Variants in SPOCK3 observed in about 807,000 individuals in gnomAD.
SPOCK3 encodes the protein SPARC (osteonectin), cwcv and kazal like domains proteoglycan 3, also known as testican-3.
SPOCK3 carries 30 observed loss-of-function variants against 56.6 expected under a neutral mutation model. The ratio of observed to expected loss-of-function variants is 0.53; its 90% CI spans 0.40 to 0.72. SPOCK3 has a LOEUF of 0.72. Ranked by LOEUF, SPOCK3 falls within the 30% of genes least tolerant of loss-of-function variation. SPOCK3 has a pLI of 0.00. For missense variants in SPOCK3, 527 were observed against 530.0 expected (o/e 0.99, Z 0.06); for synonymous variants, 196 against 183.3 (o/e 1.07, Z -0.56).
At chr4:166,934,247 T>C (rs1347789026) in intron 4 of SPOCK3, among the ~76,000 whole-genome samples, 1 of 151,576 alleles carries the variant, frequency 6.6e-6, no homozygotes, top group Non-Finnish European at 1.5e-5. Flanking sequence ...TCCCAGCACT[T>C]TGGGAGGCCG....
intron 2 of SPOCK3, among the ~76,000 whole-genome samples, chr4:167,088,190 G>T (rs1468473465): frequency 6.6e-6 from 1 of 152,092 alleles, no homozygotes; most frequent in African/African-American, 2.4e-5. Context: ...TGGATTTCTG[G>T]TTACATAGAA....
chr4:167,185,463 T>C (rs1392850404), intron 2 of SPOCK3, among the ~76,000 whole-genome samples: 1 of 152,146 alleles, frequency 6.6e-6, no homozygotes, highest in East Asian at 1.9e-4. Context: ...ATCTTAACTT[T>C]TTTTTCTCAT....
chr4:166,965,784 C>T (rs962645244), intron 4 of SPOCK3, among the ~76,000 whole-genome samples: 1 of 152,054 alleles, frequency 6.6e-6, no homozygotes, highest in African/African-American at 2.4e-5. Context: ...CTCAACACCC[C>T]TATTATCGAC....
intron 5 of SPOCK3, among the ~76,000 whole-genome samples, chr4:166,898,672 G>A (rs781149189): frequency 4.6e-5 from 7 of 152,028 alleles, no homozygotes; most frequent in Non-Finnish European, 2.9e-5. Flanking sequence ...TTTTTATCTG[G>A]TAAATGGTAG....
chr4:166,895,595 A>C (rs1313844957), intron 5 of SPOCK3, among the ~76,000 whole-genome samples: 1 of 152,204 alleles, frequency 6.6e-6, no homozygotes, highest in Non-Finnish European at 1.5e-5. Context: ...CATACATTTC[A>C]ATGTCTATGT....
At chr4:167,156,468 G>A (rs1388388960) in intron 2 of SPOCK3, among the ~76,000 whole-genome samples, 1 of 152,156 alleles carries the variant, frequency 6.6e-6, no homozygotes, top group Non-Finnish European at 1.5e-5. Flanking sequence ...AATGATTCGA[G>A]CATGAGTGTT....
intron 8 of SPOCK3, among the ~76,000 whole-genome samples, chr4:166,753,485 T>C (rs561729301): frequency 6.6e-6 from 1 of 152,012 alleles, no homozygotes; most frequent in African/African-American, 2.4e-5. Flanking sequence ...GTTACTGTAC[T>C]CAACTAAAGC....
rs547266461 is a variant in SPOCK3 at position 166,798,597 on chromosome 4, T to C, written c.590-6308A>G. Reference sequence around the variant, plus strand: ...AAGAAAAATTCAAGAATGGCCTATATCAGATACGGAGAAACTTCTTATGAT... The same window carrying C: ...AAGAAAAATTCAAGAATGGCCTATACCAGATACGGAGAAACTTCTTATGAT... On this transcript the variant is annotated intron_variant, in intron 6 of 10. Transcript: ENST00000357545. Among the ~76,000 whole-genome samples, 5 of 152,232 alleles carry C rather than the reference T, an allele frequency of 3.3e-5. No individual in the cohort carries two copies. The South Asian group carries it at 1.0e-3, about 32-fold the overall frequency.
In SPOCK3 at chr4:167,062,506, T is replaced by C. The variant is rs769690462; in HGVS notation, c.221A>G (p.Lys74Arg). The C allele has an allele frequency of 3.1e-6, 5 of 1,606,208 alleles. No individual in the cohort carries two copies. In the African/African-American group the frequency reaches 6.7e-5, roughly 21 times the overall value. Reference sequence around the variant, plus strand: ...TAGATTCTTACCCTGATCGAAGGGTTTTCCTGGACTCCAAGTGCGGAAATA... The same window carrying C: ...TAGATTCTTACCCTGATCGAAGGGTCTTCCTGGACTCCAAGTGCGGAAATA... ...DDYFRTWSPG[K>R]PFDQALDPAK... Residue 74 changes from lysine (K) to arginine (R), a missense_variant, in exon 3 of 11, where the codon AAA becomes AGA. Coordinates refer to ENST00000357545, the MANE Select transcript of SPOCK3 (RefSeq NM_001040159.2).
In SPOCK3 at chr4:167,053,036, C is replaced by A. The variant is rs1056002592; in HGVS notation, c.235+9456G>T. Among the ~76,000 whole-genome samples, 3 of 151,990 alleles carry A rather than the reference C, an allele frequency of 2.0e-5. No individual in the cohort carries two copies. In the East Asian group the frequency reaches 5.8e-4, roughly 29 times the overall value. On this transcript the variant is annotated intron_variant, in intron 3 of 10. Transcript: ENST00000357545. ...AATCTTAACAGCTTTTCCTTTGTAG[C>A]CAAATACTGATTGCAAAAGGACATA...
At chr4:167,135,514 T>C (rs1005253564) in intron 2 of SPOCK3, among the ~76,000 whole-genome samples, 14 of 152,150 alleles carry the variant, frequency 9.2e-5, no homozygotes, top group African/African-American at 2.9e-4. Context: ...CTCACTGGAG[T>C]GAGTTCACCT....
intron 2 of SPOCK3, 126 bp downstream of exon 2, chr4:167,233,859 G>T: frequency 1.2e-6 from 1 of 801,810 alleles, no homozygotes; most frequent in East Asian, 2.5e-5. Context: ...GCCCTGCGCC[G>T]CCGCGTTTCC....
chr4:167,100,469 A>C (rs1759544411), intron 2 of SPOCK3, among the ~76,000 whole-genome samples: 1 of 147,352 alleles, frequency 6.8e-6, no homozygotes, highest in Non-Finnish European at 1.5e-5. Context: ...ACACACACAC[A>C]CCCACATTCT....
intron 2 of SPOCK3, among the ~76,000 whole-genome samples, chr4:167,078,340 G>A (rs1249024202): frequency 6.7e-6 from 1 of 148,618 alleles, no homozygotes; most frequent in East Asian, 2.0e-4. Flanking sequence ...GTGTGTGTGT[G>A]TGTGTGTGTG....
intron 6 of SPOCK3, among the ~76,000 whole-genome samples, chr4:166,883,709 T>C (rs1733906110): frequency 6.6e-6 from 1 of 152,232 alleles, no homozygotes; most frequent in African/African-American, 2.4e-5. Context: ...TTGAAACAAA[T>C]GTCTTTTAGT....
chr4:166,921,159 A>G (rs1351166921), intron 4 of SPOCK3, among the ~76,000 whole-genome samples: 1 of 152,200 alleles, frequency 6.6e-6, no homozygotes, highest in Non-Finnish European at 1.5e-5. Context: ...TCTGACAGCT[A>G]TATTTGAAGT....
rs1761379616 is a variant in SPOCK3, at chr4:167,116,616, TATATATAC to T, written c.190-54087_190-54080del. 2.3e-5 allele frequency among the ~76,000 whole-genome samples: 3 copies of T among 131,884 alleles called. No individual in the cohort carries two copies. In the South Asian group the frequency reaches 6.7e-4, roughly 29 times the overall value. The allele number at this position is 131,884 out of a possible 152,430, so 86.5% of individuals were successfully genotyped here. On this transcript the variant is annotated intron_variant, in intron 2 of 10. Coordinates refer to ENST00000357545, the MANE Select transcript of SPOCK3 (RefSeq NM_001040159.2). ...TATATACATATATACTATATACGTA[TATATATAC>T]ATATATACTATATACGTATATATAT...
At chr4:167,011,813 C>T (rs936557981) in intron 3 of SPOCK3, among the ~76,000 whole-genome samples, 1 of 152,002 alleles carries the variant, frequency 6.6e-6, no homozygotes, top group African/African-American at 2.4e-5. Flanking sequence ...TAATTATATT[C>T]CATCCTTCAT....
chr4:166,883,642 C>G (rs1376954974), intron 6 of SPOCK3, among the ~76,000 whole-genome samples: 1 of 152,138 alleles, frequency 6.6e-6, no homozygotes, highest in Non-Finnish European at 1.5e-5. Flanking sequence ...GATTTTTGTA[C>G]TTTATTGCTG....
Sources: gnomAD v4.1 joint callset for allele counts (sites outside exome capture counted in the v4.1 genomes callset) on GRCh38, gnomAD v4.1.1 for gene constraint, MANE v1.5 for transcripts, NCBI Gene and HGNC (gene_info 2026-07-23, HGNC 2026-07-21) for gene names.